The following SOAT1 variants were observed in gnomAD, a reference collection of about 807,000 sequenced individuals.
SOAT1 encodes sterol O-acyltransferase 1.
In SOAT1, 55 loss-of-function variants were observed where a neutral mutation model predicts 69.5. The observed-to-expected ratio is 0.79, with a 90% CI of 0.64 to 0.99. The LOEUF (loss-of-function observed/expected upper bound fraction) is 0.99. Ranked by LOEUF, SOAT1 falls within the 50% of genes least tolerant of loss-of-function variation. The pLI is 0.00. For missense variants in SOAT1, 580 were observed against 669.3 expected (o/e 0.87, Z 1.47); for synonymous variants, 231 against 224.7 (o/e 1.03, Z -0.25).
At chr1:179,295,271 C>T (rs1370163551) in intron 1 of SOAT1, among the ~76,000 whole-genome samples, 1 of 152,096 alleles carries the variant, frequency 6.6e-6, no homozygotes, top group Non-Finnish European at 1.5e-5. Context: ...TTAGGAGTTT[C>T]CTCCACCTCT....
Position 179,353,786 on chromosome 1 carries a change from C to A in SOAT1, c.*145C>A. Reference sequence around the variant, plus strand: ...GATGACTCACTCCATTCCTAGGTCACTTGAAGCCAAACTGTTGGAAGTTCA... The same window carrying A: ...GATGACTCACTCCATTCCTAGGTCAATTGAAGCCAAACTGTTGGAAGTTCA... On this transcript the variant is annotated 3_prime_UTR_variant, in exon 16 of 16. Coordinates refer to ENST00000367619, the MANE Select transcript of SOAT1 (RefSeq NM_003101.6). 1 of 710,618 alleles carries A rather than the reference C, an allele frequency of 1.4e-6. No individual in the cohort carries two copies. Among genetic ancestry groups the A allele is most frequent in the Non-Finnish European group, 2.4e-6 (1 of 413,056 alleles). The allele number at this position is 710,618 out of a possible 1,614,324, so 44.0% of individuals were successfully genotyped here. A position where few individuals can be genotyped will look rare whatever the true frequency, so the allele number is the denominator to read the frequency against.
chr1:179,356,943 A>G lies in SOAT1; in HGVS notation c.*3302A>G, dbSNP rs1340813675. The G allele has an allele frequency of 6.6e-6, 1 of 151,972 alleles. No homozygotes were observed. Among genetic ancestry groups the G allele is most frequent in the Non-Finnish European group, 1.5e-5 (1 of 67,996 alleles). 9.4% of individuals were successfully genotyped at this position (151,972 alleles called of 1,614,324 possible). A position where few individuals can be genotyped will look rare whatever the true frequency, so the allele number is the denominator to read the frequency against. On this transcript the variant is annotated 3_prime_UTR_variant, in exon 16 of 16. Transcript: ENST00000367619. ...ACCTCAAGCAAAACTCCCACTGCAG[A>G]AAGCTTTGGGATTACAGGCATGAGC... is the stretch of plus-strand genomic sequence containing the variant.
chr1:179,350,216 A>C (rs41296202), intron 13 of SOAT1, 80 bp from the exon 14 acceptor site: 13,906 of 1,180,460 alleles, frequency 0.012, 117 homozygotes, highest in Admixed American at 0.015. Flanking sequence ...TGCCTTTGGC[A>C]TATAATTTTA....
chr1:179,344,861 A>C, intron 10 of SOAT1, 86 bp from the exon 11 acceptor site: 2 of 1,288,158 alleles, frequency 1.6e-6, no homozygotes, highest in Non-Finnish European at 2.2e-6. Flanking sequence ...TAAGGGTCAC[A>C]TCTGTACTTT....
At chr1:179,294,711 T>TA (rs1176847093) in intron 1 of SOAT1, among the ~76,000 whole-genome samples, 1 of 152,196 alleles carries the variant, frequency 6.6e-6, no homozygotes, top group Non-Finnish European at 1.5e-5. Flanking sequence ...TTTGTAGTTT[T>TA]AGTAGAGACG....
chr1:179,323,513 C>A lies in SOAT1; in HGVS notation c.177+18C>A, dbSNP rs1165487680. On this transcript the variant is annotated intron_variant, in intron 3 of 15. Transcript: ENST00000367619. ...AGGCAGAGGCAAGTAACTCCCTCTT[C>A]TAGAAACAAAAATGTAGAGTTTTAG... 1.2e-6 allele frequency: 2 copies of A among 1,605,610 alleles called. No homozygotes were observed. The highest frequency in any genetic ancestry group is 2.7e-5 in the African/African-American group (2 of 74,700).
At chr1:179,295,966 A>ATTTTT (rs58893158) in intron 1 of SOAT1, among the ~76,000 whole-genome samples, 11 of 52,022 alleles carry the variant, frequency 2.1e-4, no homozygotes, top group African/African-American at 8.7e-4. Flanking sequence ...CGCCCGGCTA[A>ATTTTT]TTTTTTTTTT....
At chr1:179,308,979 T>A (rs1437234621) in intron 2 of SOAT1, among the ~76,000 whole-genome samples, 3 of 152,212 alleles carry the variant, frequency 2.0e-5, no homozygotes, top group Non-Finnish European at 4.4e-5. Flanking sequence ...ACTTGCTCCT[T>A]ATTGATGGAA....
At chr1:179,343,479 G>A in intron 9 of SOAT1, 111 bp from the exon 10 acceptor site, 1 of 818,390 alleles carries the variant, frequency 1.2e-6, no homozygotes. Context: ...AAAGTGCTTG[G>A]ATTACAGGTG....
chr1:179,316,690 G>A (rs6704528), intron 2 of SOAT1, among the ~76,000 whole-genome samples: 41,072 of 152,056 alleles, frequency 0.27, 5,729 homozygotes, highest in East Asian at 0.46. Flanking sequence ...ACCACGCCTG[G>A]CACTAAGTAG....
At position 179,314,528 on chromosome 1, in the gene SOAT1, A is replaced by G. The variant is rs935315010; in HGVS notation, c.119-8909A>G. On this transcript the variant is annotated intron_variant, in intron 2 of 15. Transcript: ENST00000367619. The stretch of plus-strand genomic sequence containing the variant: ...TTGCTAAAGATATCACTATAATAGT[A>G]TGGTACAACAATGGATCTCTCTTAC... 7.9e-5 allele frequency among the ~76,000 whole-genome samples: 12 copies of G among 152,310 alleles called. No homozygotes were observed. The East Asian group carries it at 2.3e-3, about 29-fold the overall frequency.
At chr1:179,296,915 C>T (rs1325525401) in intron 1 of SOAT1, among the ~76,000 whole-genome samples, 2 of 152,180 alleles carry the variant, frequency 1.3e-5, no homozygotes, top group African/African-American at 4.8e-5. Context: ...GCTTATCACA[C>T]TGAACATTAT....
Position 179,347,656 on chromosome 1 carries a change from T to C in SOAT1, c.1174T>C (p.Phe392Leu). The C allele has an allele frequency of 6.2e-7, 1 of 1,613,474 alleles. No individual in the cohort carries two copies. The highest frequency in any genetic ancestry group is 8.5e-7 in the Non-Finnish European group (1 of 1,179,496). The change falls in exon 12 of 16, where the codon TTT (phenylalanine) becomes CTT (leucine). Residue 392 changes from phenylalanine to leucine, a missense_variant. By Grantham distance (22) the Phe-to-Leu change is conservative. Coordinates refer to ENST00000367619, the MANE Select transcript of SOAT1 (RefSeq NM_003101.6). ...FAFLHCWLNAFAEMLRFGDRM... is the reference protein window; with the variant it reads ...FAFLHCWLNALAEMLRFGDRM... ...CTTTTTGCACTGCTGGCTCAATGCC[T>C]TTGCTGAGATGTTACGCTTTGGTGA...
At chr1:179,298,343 C>T (rs561317083) in intron 1 of SOAT1, among the ~76,000 whole-genome samples, 1 of 152,272 alleles carries the variant, frequency 6.6e-6, no homozygotes. Context: ...CCACCTCGGC[C>T]TCCCAAAGTG....
chr1:179,309,233 G>A (rs1370218720), intron 2 of SOAT1, among the ~76,000 whole-genome samples: 7 of 152,088 alleles, frequency 4.6e-5, no homozygotes, highest in African/African-American at 9.7e-5. Context: ...ACAGGTGTGC[G>A]CCACCATGCC....
At chr1:179,302,286 C>T (rs148175329) in intron 1 of SOAT1, among the ~76,000 whole-genome samples, 1 of 152,278 alleles carries the variant, frequency 6.6e-6, no homozygotes, top group African/African-American at 2.4e-5. Flanking sequence ...ATGCTTAGTT[C>T]AAAGCTGATA....
intron 12 of SOAT1, among the ~76,000 whole-genome samples, 196 bp downstream of exon 12, chr1:179,347,893 C>A (rs1666590624): frequency 6.6e-6 from 1 of 152,178 alleles, no homozygotes; most frequent in Non-Finnish European, 1.5e-5. Flanking sequence ...TTTCTTCTGT[C>A]TCTAATATCT....
intron 8 of SOAT1, 62 bp downstream of exon 8, chr1:179,342,254 T>G: frequency 1.3e-6 from 1 of 743,212 alleles, no homozygotes; most frequent in Non-Finnish European, 2.0e-6. Context: ...CCCACCCCAT[T>G]CCCTTCCCTT....
rs1440890005 is a variant in SOAT1, at chr1:179,338,679, A to G, written c.390-759A>G. Among the ~76,000 whole-genome samples, 5 of 152,192 alleles carry G rather than the reference A, an allele frequency of 3.3e-5. No homozygotes were observed. The East Asian group carries it at 7.7e-4, about 23-fold the overall frequency. Reference sequence around the variant, plus strand: ...CTTTTCACATAAAAGGGAAAAGAAAATTTATTTTAAACATTATAATTAGGA... The same window carrying G: ...CTTTTCACATAAAAGGGAAAAGAAAGTTTATTTTAAACATTATAATTAGGA... On this transcript the variant is annotated intron_variant, in intron 5 of 15. Transcript: ENST00000367619.
Sources: allele counts gnomAD v4.1 joint callset (sites outside exome capture counted in the v4.1 genomes callset), GRCh38; gene constraint gnomAD v4.1.1; transcripts MANE v1.5; gene names NCBI Gene and HGNC (gene_info 2026-07-23, HGNC 2026-07-21).